The following MAD1L1 variants were observed in gnomAD, a reference collection of about 807,000 sequenced individuals.
The protein encoded by MAD1L1 is mitotic arrest deficient 1 like 1, also known as mitotic spindle assembly checkpoint protein MAD1.
A neutral mutation model predicts 96.9 loss-of-function variants in MAD1L1; 95 were observed. The observed-to-expected ratio is 0.98, with a 90% CI of 0.83 to 1.16. The LOEUF (loss-of-function observed/expected upper bound fraction) is 1.16. Among genes scored for constraint, MAD1L1 ranks in the 50% most tolerant of loss-of-function variants. The pLI, the probability that MAD1L1 is intolerant of heterozygous loss-of-function variation, is 0.00. For missense variants in MAD1L1, 1,007 were observed against 954.4 expected, an observed-to-expected ratio of 1.06 and a Z score of -0.73; for synonymous variants, 473 against 396.6, an observed-to-expected ratio of 1.19 and a Z score of -2.29.
At chr7:1,986,824 A>G (rs539359141) in intron 14 of MAD1L1, among the ~76,000 whole-genome samples, 1 of 152,224 alleles carries the variant, frequency 6.6e-6, no homozygotes, top group African/African-American at 2.4e-5. Flanking sequence ...AAGCCCTTTT[A>G]TTTTAATGTG....
At chr7:1,840,447 A>G (rs1356376006) in intron 18 of MAD1L1, among the ~76,000 whole-genome samples, 3 of 152,196 alleles carry the variant, frequency 2.0e-5, no homozygotes, top group Non-Finnish European at 4.4e-5. Flanking sequence ...ACAGTAAAAC[A>G]AGCCAGGCGT....
chr7:1,982,549 T>G (rs1248128433), intron 14 of MAD1L1, among the ~76,000 whole-genome samples: 1 of 152,228 alleles, frequency 6.6e-6, no homozygotes, highest in African/African-American at 2.4e-5. Context: ...TACGTGATTT[T>G]AAATTTTTGT....
intron 10 of MAD1L1, among the ~76,000 whole-genome samples, chr7:2,182,239 G>T (rs1009664440): frequency 6.6e-6 from 1 of 151,650 alleles, no homozygotes; most frequent in Non-Finnish European, 1.5e-5. Flanking sequence ...TTTAAATTAT[G>T]GTATATCCAT....
intron 7 of MAD1L1, among the ~76,000 whole-genome samples, chr7:2,217,757 TAG>T (rs534856979): frequency 6.6e-5 from 10 of 152,330 alleles, no homozygotes; most frequent in Admixed American, 6.5e-4. Flanking sequence ...CTCCCTCCTC[TAG>T]AATACACGCT....
chr7:2,082,792 G>A (rs1244508712), intron 11 of MAD1L1, among the ~76,000 whole-genome samples: 4 of 152,352 alleles, frequency 2.6e-5, no homozygotes, highest in Non-Finnish European at 5.9e-5. Flanking sequence ...GGAGCCCGGC[G>A]CCTGCACTCG....
At chr7:1,838,109 G>A (rs1039615788) in intron 18 of MAD1L1, among the ~76,000 whole-genome samples, 9 of 152,270 alleles carry the variant, frequency 5.9e-5, no homozygotes, top group African/African-American at 1.9e-4. Context: ...CCCTCTACCC[G>A]AAACCCACGC....
rs997423701 is a variant in MAD1L1, at chr7:1,936,143, C to T, written c.1807+544G>A. Reference sequence around the variant, plus strand: ...CCCGGCAGCACCCTCCGAGGCTTGGCGTGGGCAGACCCCAGCACCACCTCC... The same window carrying T: ...CCCGGCAGCACCCTCCGAGGCTTGGTGTGGGCAGACCCCAGCACCACCTCC... On this transcript the variant is annotated intron_variant, in intron 17 of 18. Transcript: ENST00000265854. 5.9e-5 allele frequency among the ~76,000 whole-genome samples: 9 copies of T among 152,218 alleles called. No individual in the cohort carries two copies. In the East Asian group the frequency reaches 9.7e-4, roughly 16 times the overall value.
intron 12 of MAD1L1, among the ~76,000 whole-genome samples, chr7:2,039,128 C>T (rs374680646): frequency 1.3e-5 from 2 of 152,358 alleles, no homozygotes; most frequent in East Asian, 3.9e-4. Flanking sequence ...ATGCAGCACA[C>T]GACCTTCAGG....
intron 11 of MAD1L1, among the ~76,000 whole-genome samples, chr7:2,080,218 A>T (rs1205838885): frequency 6.6e-6 from 1 of 152,262 alleles, no homozygotes; most frequent in Non-Finnish European, 1.5e-5. Context: ...ATTCATTGAC[A>T]TATGGCTTAC....
At chr7:2,108,640 T>G (rs575270396) in intron 11 of MAD1L1, among the ~76,000 whole-genome samples, 2 of 152,310 alleles carry the variant, frequency 1.3e-5, no homozygotes, top group Admixed American at 1.3e-4. Context: ...CTGTAAACAC[T>G]TGATTACCAG....
intron 17 of MAD1L1, among the ~76,000 whole-genome samples, chr7:1,935,894 G>A (rs1263858727): frequency 3.9e-5 from 6 of 152,226 alleles, no homozygotes; most frequent in South Asian, 2.1e-4. Flanking sequence ...AGGGGACGCC[G>A]GGCCACGCTC....
Position 2,165,307 on chromosome 7 carries a change from G to C in MAD1L1, c.987-16069C>G, listed in dbSNP as rs538227835. Among the ~76,000 whole-genome samples, 112 of 152,360 alleles carry C rather than the reference G, an allele frequency of 7.4e-4. 1 individual carries two copies. Among genetic ancestry groups the C allele is most frequent in the African/African-American group, 2.5e-3 (106 of 41,582 alleles). On this transcript the variant is annotated intron_variant, in intron 10 of 18. Transcript: ENST00000265854. The stretch of plus-strand genomic sequence containing the variant: ...GCTGCCGGGGATGAAGGGCTGGACT[G>C]GGGGGACCCCGGGAACTCTGGACTG...
At chr7:1,854,679 G>A (rs949456478) in intron 18 of MAD1L1, among the ~76,000 whole-genome samples, 39 of 152,018 alleles carry the variant, frequency 2.6e-4, no homozygotes, top group Admixed American at 1.2e-3. Flanking sequence ...CACAAACCTC[G>A]GTCCCCAGCA....
chr7:2,167,552 AAAT>A (rs143994964), intron 10 of MAD1L1, among the ~76,000 whole-genome samples: 6 of 150,588 alleles, frequency 4.0e-5, no homozygotes, highest in African/African-American at 7.4e-5. Flanking sequence ...CCGTCTCAAA[AAAT>A]AATAATAATA....
chr7:2,156,460 G>A (rs1789853589), intron 10 of MAD1L1, among the ~76,000 whole-genome samples: 1 of 151,654 alleles, frequency 6.6e-6, no homozygotes, highest in South Asian at 2.1e-4. Flanking sequence ...CTTAGGGGCT[G>A]CACACAAACT....
chr7:1,868,149 C>T (rs2128653056), intron 18 of MAD1L1, among the ~76,000 whole-genome samples: 1 of 152,320 alleles, frequency 6.6e-6, no homozygotes, highest in East Asian at 1.9e-4. Flanking sequence ...ACTGTGGCCC[C>T]CCAGACACCA....
intron 18 of MAD1L1, chr7:1,838,611 C>G: frequency 2.6e-6 from 1 of 387,854 alleles, no homozygotes; most frequent in Non-Finnish European, 5.5e-6. Context: ...CATCTCCCTG[C>G]AACACTGCAG....
intron 18 of MAD1L1, among the ~76,000 whole-genome samples, chr7:1,892,953 G>C (rs773389310): frequency 1.3e-5 from 2 of 152,206 alleles, no homozygotes; most frequent in African/African-American, 4.8e-5. Context: ...TTCCTTCCCT[G>C]GGTTTTGAGA....
intron 14 of MAD1L1, among the ~76,000 whole-genome samples, chr7:2,000,243 TC>T (rs1781731774): frequency 2.0e-5 from 3 of 151,734 alleles, no homozygotes; most frequent in African/African-American, 7.3e-5. Flanking sequence ...CACCTGCATC[TC>T]CCTTCAACGC....
Sources: allele counts gnomAD v4.1 joint callset (sites outside exome capture counted in the v4.1 genomes callset), GRCh38; gene constraint gnomAD v4.1.1; transcripts MANE v1.5; gene names NCBI Gene and HGNC (gene_info 2026-07-23, HGNC 2026-07-21).